Variants in NDST4 observed in about 807,000 individuals in gnomAD.
NDST4 encodes the protein N-heparan sulfate sulfotransferase 4.
In NDST4, 63 loss-of-function variants were observed where a neutral mutation model predicts 100.8. The ratio of observed to expected loss-of-function variants is 0.62; its 90% CI spans 0.51 to 0.77. The LOEUF (loss-of-function observed/expected upper bound fraction) is 0.77, where lower values mean the gene tolerates loss of function less well. Among genes scored for constraint, NDST4 ranks in the 30% least tolerant of loss-of-function variants. The probability of loss-of-function intolerance (pLI) is 0.00; values close to 1 mark genes in which losing one functional copy is unlikely to be tolerated. For synonymous variants in NDST4, 377 were observed against 361.8 expected (o/e 1.04, Z -0.48); for missense variants, 943 against 1,018.4 (o/e 0.93, Z 1.01).
intron 4 of NDST4, among the ~76,000 whole-genome samples, chr4:114,948,655 C>T (rs1725923613): frequency 6.6e-6 from 1 of 152,062 alleles, no homozygotes; most frequent in African/African-American, 2.4e-5. Flanking sequence ...AACAAGTTTA[C>T]AGTAAACACC....
chr4:114,978,379 A>G (rs747639600), intron 2 of NDST4, among the ~76,000 whole-genome samples: 2 of 151,960 alleles, frequency 1.3e-5, no homozygotes, highest in Non-Finnish European at 2.9e-5. Flanking sequence ...ACATTAGTTT[A>G]ATTAAAAAAA....
intron 6 of NDST4, among the ~76,000 whole-genome samples, chr4:114,893,215 G>T (rs1296574701): frequency 6.6e-6 from 1 of 152,154 alleles, no homozygotes; most frequent in Non-Finnish European, 1.5e-5. Flanking sequence ...ACATGTGCAT[G>T]TGTCCTTATG....
At chr4:114,857,897 T>A (rs1268072910) in intron 7 of NDST4, among the ~76,000 whole-genome samples, 2 of 152,010 alleles carry the variant, frequency 1.3e-5, no homozygotes, top group African/African-American at 4.8e-5. Flanking sequence ...CCAAAGTGTG[T>A]GATGGTCTTT....
intron 4 of NDST4, among the ~76,000 whole-genome samples, chr4:114,954,328 A>G (rs1353301020): frequency 6.6e-6 from 1 of 152,150 alleles, no homozygotes; most frequent in Non-Finnish European, 1.5e-5. Context: ...CCAGTCTAGA[A>G]ATTCTAGCAT....
intron 6 of NDST4, among the ~76,000 whole-genome samples, chr4:114,873,240 T>C (rs1163454383): frequency 6.6e-6 from 1 of 151,622 alleles, no homozygotes; most frequent in Admixed American, 6.6e-5. Flanking sequence ...AAAAAGACTA[T>C]AGATATTTTA....
At chr4:114,884,244 T>C (rs149573282) in intron 6 of NDST4, among the ~76,000 whole-genome samples, 2 of 152,212 alleles carry the variant, frequency 1.3e-5, no homozygotes, top group East Asian at 3.9e-4. Flanking sequence ...CTTGCACACT[T>C]ATTCACACAT....
At chr4:114,963,460 G>A (rs1226239049) in intron 4 of NDST4, among the ~76,000 whole-genome samples, 2 of 152,120 alleles carry the variant, frequency 1.3e-5, no homozygotes, top group African/African-American at 2.4e-5. Context: ...ATTGCTAAGG[G>A]TACTTTTTTA....
chr4:114,911,633 T>C (rs1449281404), intron 6 of NDST4, among the ~76,000 whole-genome samples: 2 of 152,116 alleles, frequency 1.3e-5, no homozygotes, highest in Non-Finnish European at 2.9e-5. Flanking sequence ...TGACCAAATA[T>C]TTCATTTTTC....
intron 6 of NDST4, among the ~76,000 whole-genome samples, chr4:114,884,431 T>A (rs865905661): frequency 7.2e-5 from 11 of 152,160 alleles, no homozygotes; most frequent in African/African-American, 2.4e-4. Context: ...GCTAAGGTTA[T>A]CTTACAAAAT....
In NDST4 at chr4:115,106,766, C is replaced by T. The variant is rs147088896; in HGVS notation, c.-247+6678G>A. Among the ~76,000 whole-genome samples, 247 of 152,178 alleles carry T rather than the reference C, an allele frequency of 1.6e-3. 3 individuals carry two copies. The highest frequency in any genetic ancestry group is 2.2e-3 in the Non-Finnish European group (151 of 68,002). ...ATTTCATTATGTTAGGTCCATCATT[C>T]CAGCCAACTGGGTGATGTTTTGGAA... On this transcript the variant is annotated intron_variant, in intron 1 of 13. Transcript: ENST00000264363.
chr4:114,947,267 T>C (rs1725887301), intron 4 of NDST4, among the ~76,000 whole-genome samples: 1 of 152,074 alleles, frequency 6.6e-6, no homozygotes, highest in East Asian at 1.9e-4. Flanking sequence ...TAGGGAAGTA[T>C]GATAAAAAGA....
At chr4:114,963,657 G>C (rs1026008413) in intron 4 of NDST4, among the ~76,000 whole-genome samples, 2 of 152,140 alleles carry the variant, frequency 1.3e-5, no homozygotes, top group Admixed American at 6.6e-5. Context: ...GAAGTGGTAA[G>C]ACGTCAAATT....
At chr4:114,864,698 C>T (rs1217594784) in intron 7 of NDST4, among the ~76,000 whole-genome samples, 5 of 152,158 alleles carry the variant, frequency 3.3e-5, no homozygotes, top group Admixed American at 6.5e-5. Flanking sequence ...AAGTGTTCCT[C>T]GTGTGAGTAC....
intron 6 of NDST4, among the ~76,000 whole-genome samples, chr4:114,881,711 A>G (rs774724232): frequency 6.6e-6 from 1 of 152,082 alleles, no homozygotes; most frequent in Admixed American, 6.6e-5. Flanking sequence ...AAATAGAATG[A>G]AAGTGCAGTG....
At chr4:115,040,079 T>C (rs1029864536) in intron 2 of NDST4, among the ~76,000 whole-genome samples, 3 of 151,932 alleles carry the variant, frequency 2.0e-5, no homozygotes, top group Non-Finnish European at 4.4e-5. Flanking sequence ...TTATTATTTA[T>C]AGTTTTTGCA....
At chr4:114,904,770 T>C (rs996982688) in intron 6 of NDST4, among the ~76,000 whole-genome samples, 3 of 151,890 alleles carry the variant, frequency 2.0e-5, no homozygotes, top group African/African-American at 7.2e-5. Context: ...CAAATCCAAG[T>C]AGATTGATAG....
chr4:115,000,176 G>A (rs1331332579), intron 2 of NDST4, among the ~76,000 whole-genome samples: 3 of 150,590 alleles, frequency 2.0e-5, no homozygotes, highest in Non-Finnish European at 4.4e-5. Flanking sequence ...AAAATGTGAT[G>A]GCAACTAGAT....
At position 114,833,682 on chromosome 4, in the gene NDST4, C is replaced by T. The variant is rs775356733; in HGVS notation, c.2320G>A (p.Asp774Asn). 9.3e-6 allele frequency: 15 copies of T among 1,611,328 alleles called. No individual in the cohort carries two copies. The Admixed American group carries it at 1.0e-4, about 11-fold the overall frequency. The change falls in exon 12 of 14, where the codon GAC (aspartate) becomes AAC (asparagine). Residue 774 changes from aspartate (D) to asparagine (N), a missense_variant. Physicochemically the swap from Asp to Asn is conservative, Grantham distance 23. This residue lies in a region of NDST4 where 526 missense variants were observed against 634.1 expected (regional missense o/e 0.83). Coordinates refer to ENST00000264363, the MANE Select transcript of NDST4 (RefSeq NM_022569.3). ...LIIDGQQLRS[D>N]PATVMDEVQK... ...ACTTCATCCATCACAGTAGCTGGGT[C>T]AGATCTCAGCTGCTGTCCATCAATA...
At chr4:115,033,123 A>G (rs1560574136) in intron 2 of NDST4, among the ~76,000 whole-genome samples, 1 of 103,124 alleles carries the variant, frequency 9.7e-6, no homozygotes, top group African/African-American at 4.4e-5. Flanking sequence ...AAAATTATAT[A>G]TATATGTGTA....
Sources: gnomAD v4.1 joint callset for allele counts (sites outside exome capture counted in the v4.1 genomes callset) on GRCh38, gnomAD v4.1.1 for gene constraint, gnomAD v4.1.1 regional missense constraint, MANE v1.5 for transcripts, NCBI Gene and HGNC (gene_info 2026-07-23, HGNC 2026-07-21) for gene names.